Variants in AIG1 observed in about 807,000 individuals in gnomAD.
AIG1 encodes androgen induced 1.
Under a neutral mutation model 31.4 loss-of-function variants are expected in AIG1, and 23 were observed. That is an observed-to-expected ratio of 0.73 (90% CI 0.53 to 1.04). AIG1 has a LOEUF of 1.04. Among genes scored for constraint, AIG1 ranks in the 50% least tolerant of loss-of-function variants. The pLI is 0.00. For missense variants in AIG1, 274 were observed against 295.0 expected (o/e 0.93, Z 0.52); for synonymous variants, 100 against 110.5 (o/e 0.90, Z 0.60).
chr6:143,186,886 A>G (rs1037794515), intron 3 of AIG1: 1 of 162,978 alleles, frequency 6.1e-6, no homozygotes, highest in African/African-American at 2.4e-5. Flanking sequence ...CTCATAGGAA[A>G]CGTGGAGCTT....
chr6:143,149,988 A>G (rs190470989), intron 2 of AIG1, among the ~76,000 whole-genome samples: 2 of 152,354 alleles, frequency 1.3e-5, no homozygotes, highest in African/African-American at 4.8e-5. Flanking sequence ...TTTTGGCAAG[A>G]AGTGATCCAA....
At chr6:143,173,972 C>T (rs1414094926) in intron 3 of AIG1, among the ~76,000 whole-genome samples, 1 of 152,134 alleles carries the variant, frequency 6.6e-6, no homozygotes, top group Non-Finnish European at 1.5e-5. Flanking sequence ...CAGTCTAGTG[C>T]TGTCAGTGGA....
chr6:143,076,118 T>A (rs1290896277), intron 1 of AIG1, among the ~76,000 whole-genome samples: 1 of 152,224 alleles, frequency 6.6e-6, no homozygotes, highest in Non-Finnish European at 1.5e-5. Context: ...TTGTATATTC[T>A]TGCTTGTTTT....
At chr6:143,321,499 T>C (rs1344938524) in intron 4 of AIG1, among the ~76,000 whole-genome samples, 1 of 151,932 alleles carries the variant, frequency 6.6e-6, no homozygotes, top group Non-Finnish European at 1.5e-5. Flanking sequence ...CTCAGGAGTC[T>C]GAGGCAGAGA....
At chr6:143,137,065 A>T in intron 2 of AIG1, 75 bp downstream of exon 2, 1 of 1,300,448 alleles carries the variant, frequency 7.7e-7, no homozygotes, top group Non-Finnish European at 9.9e-7. Context: ...AGAAAAAAAA[A>T]GAGTTCATTA....
chr6:143,138,926 A>G (rs1308389147), intron 2 of AIG1, among the ~76,000 whole-genome samples: 3 of 151,378 alleles, frequency 2.0e-5, no homozygotes, highest in Admixed American at 1.3e-4. Context: ...ACATGAGTAT[A>G]GTGTTAACAT....
chr6:143,200,134 TG>T (rs1790578406), intron 3 of AIG1, among the ~76,000 whole-genome samples: 1 of 152,180 alleles, frequency 6.6e-6, no homozygotes, highest in African/African-American at 2.4e-5. Flanking sequence ...TTTGAGACAC[TG>T]GTGCATCTCA....
intron 3 of AIG1, among the ~76,000 whole-genome samples, chr6:143,217,137 C>G (rs945699521): frequency 1.3e-5 from 2 of 152,104 alleles, no homozygotes; most frequent in Non-Finnish European, 2.9e-5. Flanking sequence ...TGTTGGTGTT[C>G]CAACAACCAA....
chr6:143,188,346 T>G (rs1429520462), intron 3 of AIG1: 1 of 985,492 alleles, frequency 1.0e-6, no homozygotes. Flanking sequence ...GAGCGATGTA[T>G]TTATGTTGCT....
intron 2 of AIG1, among the ~76,000 whole-genome samples, chr6:143,159,850 C>T (rs1786167114): frequency 6.6e-6 from 1 of 152,176 alleles, no homozygotes; most frequent in Admixed American, 6.5e-5. Flanking sequence ...CCAGCTTATT[C>T]TCACACCCAT....
intron 1 of AIG1, chr6:143,126,446 G>C (rs918382381): frequency 2.6e-5 from 4 of 152,172 alleles, no homozygotes; most frequent in African/African-American, 9.7e-5. Context: ...ACTGTCTCAC[G>C]GGGATGAAGT....
rs1776822993 is a variant in AIG1, at chr6:143,328,768, C to T, written c.516-4514C>T. Among the ~76,000 whole-genome samples, 2 of 151,926 alleles carry T rather than the reference C, an allele frequency of 1.3e-5. No individual in the cohort carries two copies. Among genetic ancestry groups the T allele is most frequent in the Admixed American group, 6.6e-5 (1 of 15,256 alleles). ...AATTGTACATAAACGTGAATGCAAA[C>T]GGAGGTACATTTAATAAAATAGACC... On this transcript the variant is annotated intron_variant, in intron 4 of 5. Transcript: ENST00000357847. The surrounding 1 kb of genome is among the most constrained non-coding windows in gnomAD (Gnocchi z 4.0).
chr6:143,085,389 C>T (rs2128471718), intron 1 of AIG1, among the ~76,000 whole-genome samples: 1 of 152,282 alleles, frequency 6.6e-6, no homozygotes, highest in Middle Eastern at 3.4e-3. Flanking sequence ...TCGTTACGCT[C>T]ACCGATGTAG....
intron 3 of AIG1, among the ~76,000 whole-genome samples, chr6:143,276,937 G>A (rs1054995365): frequency 6.6e-6 from 1 of 152,088 alleles, no homozygotes; most frequent in Non-Finnish European, 1.5e-5. Flanking sequence ...ACTGTTCAGT[G>A]GCCCCAAGGG....
chr6:143,224,822 C>T (rs1022783488), intron 3 of AIG1, among the ~76,000 whole-genome samples: 1 of 152,110 alleles, frequency 6.6e-6, no homozygotes, highest in African/African-American at 2.4e-5. Flanking sequence ...ACATTAAGAC[C>T]ATTGTAATGT....
In AIG1 at chr6:143,326,137, G is replaced by A. The variant is rs555485764; in HGVS notation, c.516-7145G>A. 2.6e-5 allele frequency among the ~76,000 whole-genome samples: 4 copies of A among 152,232 alleles called. No homozygotes were observed. In the South Asian group the frequency reaches 8.3e-4, roughly 32 times the overall value. ...AGCCACTACCATTTCTGATACAATT[G>A]GTTCAGCTCAATCTGATCTATTTCA... On this transcript the variant is annotated intron_variant, in intron 4 of 5. Transcript: ENST00000357847. This position sits in a 1 kb window ranked among gnomAD's most constrained non-coding sequence, Gnocchi z 4.5.
chr6:143,137,203 C>T (rs1783842013), intron 2 of AIG1, among the ~76,000 whole-genome samples: 1 of 152,166 alleles, frequency 6.6e-6, no homozygotes, highest in African/African-American at 2.4e-5. Context: ...CCACAGGGTT[C>T]GTTTCTTCTG....
intron 3 of AIG1, among the ~76,000 whole-genome samples, chr6:143,210,433 A>G (rs1262298905): frequency 6.6e-6 from 1 of 152,232 alleles, no homozygotes; most frequent in Non-Finnish European, 1.5e-5. Flanking sequence ...AGCTTCCACA[A>G]GGTAGAAACA....
chr6:143,308,912 G>A (rs915248075), intron 4 of AIG1, among the ~76,000 whole-genome samples: 1 of 151,666 alleles, frequency 6.6e-6, no homozygotes, highest in Non-Finnish European at 1.5e-5. Context: ...CATCCATAGG[G>A]GTGTGTAAAG....
Sources: allele counts gnomAD v4.1 joint callset (sites outside exome capture counted in the v4.1 genomes callset), GRCh38; gene constraint gnomAD v4.1.1; non-coding constraint Gnocchi (gnomAD v3.1); transcripts MANE v1.5; gene names NCBI Gene and HGNC (gene_info 2026-07-23, HGNC 2026-07-21).